Variants in MTRFR observed in about 807,000 individuals in gnomAD.
The protein encoded by MTRFR is mitochondrial translation release factor in rescue, also known as probable peptide chain release factor C12orf65, mitochondrial.
A neutral mutation model predicts 11.9 loss-of-function variants in MTRFR; 10 were observed. That is an observed-to-expected ratio of 0.84 (90% confidence interval 0.52 to 1.42). The LOEUF is 1.42. Ranked by LOEUF, MTRFR falls within the 40% of genes most tolerant of loss-of-function variation. The pLI is 0.00. For synonymous variants in MTRFR, 77 were observed against 79.1 expected (o/e 0.97, Z 0.14); for missense variants, 196 against 197.9 (o/e 0.99, Z 0.06).
chr12:123,241,147 T>TG (rs371814302), intron 1 of MTRFR, among the ~76,000 whole-genome samples: 82,553 of 149,938 alleles, frequency 0.55, 26,670 homozygotes, highest in East Asian at 0.74. Flanking sequence ...GGTTGTTTTT[T>TG]TTTTGTTTTT....
At chr12:123,234,277 G>T (rs890646462) in intron 1 of MTRFR, among the ~76,000 whole-genome samples, 2 of 152,126 alleles carry the variant, frequency 1.3e-5, no homozygotes, top group African/African-American at 2.4e-5. Flanking sequence ...TATCACTTAG[G>T]CCTCCACAAC....
At chr12:123,235,232 A>G (rs1445535738) in intron 1 of MTRFR, among the ~76,000 whole-genome samples, 1 of 152,168 alleles carries the variant, frequency 6.6e-6, no homozygotes, top group Non-Finnish European at 1.5e-5. Flanking sequence ...CATTCTACAG[A>G]TGAGGAATTA....
chr12:123,252,556 A>G (rs1212171625), intron 1 of MTRFR: 1 of 152,128 alleles, frequency 6.6e-6, no homozygotes, highest in African/African-American at 2.4e-5. Context: ...GAAACAAAAA[A>G]CAACAATCAT....
Position 123,245,863 on chromosome 12 carries a change from G to C in MTRFR, c.-28-7784G>C, listed in dbSNP as rs61519741. ...CATCATTAGCAAACAGTGACAGCTT[G>C]ACTTCCTCTTTATGGATGTGGATGC... On this transcript the variant is annotated intron_variant, in intron 1 of 2. Transcript: ENST00000253233. 8.0e-3 allele frequency among the ~76,000 whole-genome samples: 1,223 copies of C among 152,188 alleles called. 21 individuals are homozygous for C. The highest frequency in any genetic ancestry group is 0.027 in the African/African-American group (1,123 of 41,506).
intron 2 of MTRFR, 153 bp downstream of exon 2, chr12:123,254,109 G>C: frequency 2.4e-6 from 2 of 849,530 alleles, no homozygotes; most frequent in Non-Finnish European, 3.6e-6. Context: ...GAGCACCGCA[G>C]ATCTCGTCCC....
At chr12:123,253,320 G>C in intron 1 of MTRFR, 1 of 336,718 alleles carries the variant, frequency 3.0e-6, no homozygotes, top group Non-Finnish European at 5.8e-6. Flanking sequence ...TTACAGGTGT[G>C]AGCCACCATG....
intron 1 of MTRFR, among the ~76,000 whole-genome samples, chr12:123,237,415 C>G: frequency 6.6e-6 from 1 of 152,080 alleles, no homozygotes; most frequent in South Asian, 2.1e-4. Context: ...GGGTGACAAG[C>G]GAAACTCCGG....
intron 2 of MTRFR, 156 bp downstream of exon 2, chr12:123,254,112 C>T: frequency 1.2e-6 from 1 of 822,774 alleles, no homozygotes; most frequent in Non-Finnish European, 1.9e-6. Flanking sequence ...CACCGCAGAT[C>T]TCGTCCCATC....
At chr12:123,247,952 AAAAG>A (rs987248804) in intron 1 of MTRFR, among the ~76,000 whole-genome samples, 9 of 152,224 alleles carry the variant, frequency 5.9e-5, no homozygotes, top group East Asian at 3.9e-4. Flanking sequence ...CTCAAAAAAA[AAAAG>A]AAAGAAATGT....
At chr12:123,245,445 T>C (rs551855436) in intron 1 of MTRFR, among the ~76,000 whole-genome samples, 31 of 152,270 alleles carry the variant, frequency 2.0e-4, no homozygotes, top group Non-Finnish European at 4.0e-4. Context: ...TTGATGGGGA[T>C]TGTGTGGAAT....
intron 1 of MTRFR, chr12:123,250,791 G>A (rs933879886): frequency 2.0e-5 from 3 of 152,244 alleles, no homozygotes; most frequent in African/African-American, 7.2e-5. Flanking sequence ...TGGGTTAATG[G>A]TCTATTTTTT....
chr12:123,253,718 G>T lies in MTRFR; in HGVS notation c.44G>T (p.Arg15Leu). The T allele has an allele frequency of 6.2e-7, 1 of 1,614,094 alleles. No homozygotes were observed. Among genetic ancestry groups the T allele is most frequent in the East Asian group, 2.2e-5 (1 of 44,878 alleles). The change falls in exon 2 of 3, where the codon CGA (arginine) becomes CTA (leucine). Residue 15 changes from arginine (R) to leucine (L), a missense_variant. Arg to Leu is a moderately radical substitution (Grantham distance 102, BLOSUM62 -2). Transcript: ENST00000253233. Reference sequence around the variant, plus strand: ...TTTCATTTTCCTACACCACTGACCCGAATATGCCCGGCGCCATGGGGACTC... The same window carrying T: ...TTTCATTTTCCTACACCACTGACCCTAATATGCCCGGCGCCATGGGGACTC... Reference protein sequence around the residue: ...GLFHFPTPLTRICPAPWGLRL... With the variant: ...GLFHFPTPLTLICPAPWGLRL...
chr12:123,244,960 T>TTTTTTTTA (rs71085871), intron 1 of MTRFR, among the ~76,000 whole-genome samples: 3 of 118,504 alleles, frequency 2.5e-5, no homozygotes, highest in Non-Finnish European at 3.4e-5. Flanking sequence ...TTTTTTTTTT[T>TTTTTTTTA]AGACAGAGTC....
chr12:123,240,292 A>G (rs1467810848), intron 1 of MTRFR, among the ~76,000 whole-genome samples: 1 of 151,740 alleles, frequency 6.6e-6, no homozygotes, highest in Non-Finnish European at 1.5e-5. Context: ...GAGAATTGCT[A>G]GAACCCGGGA....
chr12:123,247,245 G>A (rs1266182646), intron 1 of MTRFR, among the ~76,000 whole-genome samples: 2 of 152,084 alleles, frequency 1.3e-5, no homozygotes, highest in African/African-American at 4.8e-5. Context: ...TGCTGTCAGT[G>A]GAGTACTGAA....
intron 1 of MTRFR, among the ~76,000 whole-genome samples, chr12:123,238,541 C>T (rs984024922): frequency 5.3e-5 from 8 of 151,940 alleles, no homozygotes; most frequent in Non-Finnish European, 7.4e-5. Flanking sequence ...GAGACCGAGG[C>T]AGGCAGATTG....
chr12:123,253,167 G>A (rs935237435), intron 1 of MTRFR, among the ~76,000 whole-genome samples: 43 of 126,652 alleles, frequency 3.4e-4, no homozygotes, highest in African/African-American at 9.9e-4. Context: ...TCAGCCTCCC[G>A]AGTAGCTGGG....
chr12:123,239,401 TG>T (rs1300026916), intron 1 of MTRFR, among the ~76,000 whole-genome samples: 1 of 80,074 alleles, frequency 1.2e-5, no homozygotes, highest in Non-Finnish European at 3.9e-5. Flanking sequence ...GCATTAGTTT[TG>T]TTTTTTTGTT....
At chr12:123,244,550 C>T (rs544487256) in intron 1 of MTRFR, among the ~76,000 whole-genome samples, 1 of 152,312 alleles carries the variant, frequency 6.6e-6, no homozygotes, top group Non-Finnish European at 1.5e-5. Flanking sequence ...TCCCGTAATC[C>T]TCCTGGGTGA....
Sources: gnomAD v4.1 joint callset for allele counts (sites outside exome capture counted in the v4.1 genomes callset) on GRCh38, gnomAD v4.1.1 for gene constraint, MANE v1.5 for transcripts, NCBI Gene and HGNC (gene_info 2026-07-23, HGNC 2026-07-21) for gene names.